Variants in RNF152 observed in about 807,000 individuals in gnomAD.
The protein encoded by RNF152 is ring finger protein 152, also known as E3 ubiquitin-protein ligase RNF152.
Under a neutral mutation model 12.7 loss-of-function variants are expected in RNF152, and 11 were observed. That is an observed-to-expected ratio of 0.86 (90% CI 0.54 to 1.43). The LOEUF (loss-of-function observed/expected upper bound fraction) is 1.43. Ranked by LOEUF, RNF152 falls within the 40% of genes most tolerant of loss-of-function variation. RNF152 has a pLI of 0.00. For synonymous variants in RNF152, 113 were observed against 120.3 expected (o/e 0.94, Z 0.40); for missense variants, 255 against 274.8 (o/e 0.93, Z 0.51).
intron 1 of RNF152, among the ~76,000 whole-genome samples, chr18:61,849,952 G>C (rs1910899082): frequency 6.6e-6 from 1 of 152,206 alleles, no homozygotes; most frequent in Non-Finnish European, 1.5e-5. Context: ...CATTCTCAGT[G>C]CTTACTGCCT....
chr18:61,819,624 G>A (rs1225559593), intron 1 of RNF152, among the ~76,000 whole-genome samples: 1 of 152,190 alleles, frequency 6.6e-6, no homozygotes. Flanking sequence ...ATATCATTAT[G>A]AGAAATAGGG....
intron 1 of RNF152, among the ~76,000 whole-genome samples, chr18:61,836,185 G>A (rs1359990490): frequency 6.6e-6 from 1 of 152,148 alleles, no homozygotes; most frequent in South Asian, 2.1e-4. Context: ...CAGGTCTGGG[G>A]CAGGGAAAAT....
At chr18:61,874,443 G>A (rs112749574) in intron 1 of RNF152, among the ~76,000 whole-genome samples, 6,763 of 152,220 alleles carry the variant, frequency 0.044, 215 homozygotes, top group Middle Eastern at 0.061. Flanking sequence ...AACCAACCAG[G>A]ACCACTGAAG....
At chr18:61,877,273 G>C (rs1478795627) in intron 1 of RNF152, among the ~76,000 whole-genome samples, 2 of 152,190 alleles carry the variant, frequency 1.3e-5, no homozygotes, top group Non-Finnish European at 2.9e-5. Context: ...ATTTAGAATG[G>C]TGCACTGAAT....
At chr18:61,822,349 G>A (rs188660723) in intron 1 of RNF152, among the ~76,000 whole-genome samples, 11 of 152,188 alleles carry the variant, frequency 7.2e-5, no homozygotes, top group Admixed American at 5.2e-4. Flanking sequence ...TTGTGTTGTT[G>A]TTGCTGTTGT....
chr18:61,831,591 G>A (rs983014625), intron 1 of RNF152, among the ~76,000 whole-genome samples: 2 of 151,982 alleles, frequency 1.3e-5, no homozygotes, highest in East Asian at 1.9e-4. Context: ...CCAAGACTAC[G>A]CACAAAGTAT....
At chr18:61,835,332 A>G (rs1910130655) in intron 1 of RNF152, among the ~76,000 whole-genome samples, 1 of 152,254 alleles carries the variant, frequency 6.6e-6, no homozygotes, top group African/African-American at 2.4e-5. Flanking sequence ...TTGTAAAACA[A>G]GAATGAGAAA....
intron 1 of RNF152, among the ~76,000 whole-genome samples, chr18:61,840,638 C>CAATT (rs2144670491): frequency 6.6e-6 from 1 of 152,296 alleles, no homozygotes; most frequent in East Asian, 1.9e-4. Flanking sequence ...GCACCTTGCA[C>CAATT]AATTCCCTTC....
intron 1 of RNF152, among the ~76,000 whole-genome samples, chr18:61,817,742 T>TA (rs397956442): frequency 0.14 from 20,190 of 143,306 alleles, 1,449 homozygotes; most frequent in African/African-American, 0.19. Flanking sequence ...TTCCTCATTG[T>TA]AAAAAAAAAA....
chr18:61,867,645 TGAACCGTA>T (rs1911801616), intron 1 of RNF152, among the ~76,000 whole-genome samples: 1 of 152,122 alleles, frequency 6.6e-6, no homozygotes, highest in East Asian at 1.9e-4. Flanking sequence ...CAACCCAGGG[TGAACCGTA>T]TGTAAACCAG....
intron 1 of RNF152, among the ~76,000 whole-genome samples, chr18:61,868,183 G>A (rs77030205): frequency 0.032 from 4,869 of 152,218 alleles, 270 homozygotes; most frequent in African/African-American, 0.11. Flanking sequence ...GTTGGCCTTC[G>A]GGTGTTGCTG....
intron 1 of RNF152, among the ~76,000 whole-genome samples, chr18:61,851,407 A>C (rs563890440): frequency 1.3e-5 from 2 of 152,200 alleles, no homozygotes; most frequent in African/African-American, 4.8e-5. Context: ...AGAGGAGAAA[A>C]CACTTACCCA....
intron 1 of RNF152, chr18:61,890,630 G>T (rs951275227): frequency 2.6e-5 from 4 of 152,186 alleles, no homozygotes; most frequent in Non-Finnish European, 5.9e-5. Flanking sequence ...TTAAAAAAGA[G>T]AAAAATCTGC....
At chr18:61,884,503 A>G (rs1484151181) in intron 1 of RNF152, among the ~76,000 whole-genome samples, 2 of 151,940 alleles carry the variant, frequency 1.3e-5, no homozygotes, top group Admixed American at 6.5e-5. Flanking sequence ...ACAGGAAGCT[A>G]GAAGGCAGGG....
chr18:61,859,278 G>A (rs1911357099), intron 1 of RNF152, among the ~76,000 whole-genome samples: 1 of 152,166 alleles, frequency 6.6e-6, no homozygotes, highest in Admixed American at 6.5e-5. Context: ...TCAGTTTCAG[G>A]CTTAGTTGAC....
intron 1 of RNF152, among the ~76,000 whole-genome samples, chr18:61,841,533 C>A (rs1910453924): frequency 6.6e-6 from 1 of 152,122 alleles, no homozygotes; most frequent in African/African-American, 2.4e-5. Context: ...CAGACATGAA[C>A]CCATACTGAG....
At chr18:61,863,433 CA>C (rs34663065) in intron 1 of RNF152, among the ~76,000 whole-genome samples, 34,906 of 90,924 alleles carry the variant, frequency 0.38, 3,937 homozygotes, top group Middle Eastern at 0.53. Flanking sequence ...GACTCCGTCT[CA>C]AAAAAAAAAA....
chr18:61,860,417 G>T (rs1291031829), intron 1 of RNF152, among the ~76,000 whole-genome samples: 1 of 152,196 alleles, frequency 6.6e-6, no homozygotes, highest in Non-Finnish European at 1.5e-5. Flanking sequence ...GAAGATGCTG[G>T]TCCCATAAGA....
rs1912111592 is a variant in RNF152, at chr18:61,874,064, ATTAAT to A, written c.-136+18726_-136+18730del. Reference sequence around the variant, plus strand: ...TACTATAATAAGTGTACTTTGTCTAATTAATTTAATTTTAGAAATATAAAAACTAA... The same window carrying A: ...TACTATAATAAGTGTACTTTGTCTAATTAATTTTAGAAATATAAAAACTAA... On this transcript the variant is annotated intron_variant, in intron 1 of 1. Coordinates refer to ENST00000312828, the MANE Select transcript of RNF152 (RefSeq NM_173557.3). Among the ~76,000 whole-genome samples the A allele has an allele frequency of 4.6e-5, 7 of 152,330 alleles. No homozygotes were observed. In the South Asian group the frequency reaches 1.5e-3, roughly 32 times the overall value.
Sources: gnomAD v4.1 joint callset for allele counts (sites outside exome capture counted in the v4.1 genomes callset) on GRCh38, gnomAD v4.1.1 for gene constraint, MANE v1.5 for transcripts, NCBI Gene and HGNC (gene_info 2026-07-23, HGNC 2026-07-21) for gene names.